Variants in NCOA2 observed in about 807,000 individuals in gnomAD.
The protein encoded by NCOA2 is nuclear receptor coactivator 2.
In NCOA2, 21 loss-of-function variants were observed where a neutral mutation model predicts 145.1. That is an observed-to-expected ratio of 0.14 (90% CI 0.10 to 0.21). The LOEUF (loss-of-function observed/expected upper bound fraction) is 0.21, where lower values mean the gene tolerates loss of function less well. NCOA2 is among the 10% of genes least tolerant of loss of function. NCOA2 has a pLI of 1.00. For missense variants in NCOA2, 1,472 were observed against 1,837.6 expected (o/e 0.80, Z 3.64); for synonymous variants, 619 against 637.5 (o/e 0.97, Z 0.44).
At chr8:70,412,623 G>C in the NCOA2 span, among the ~76,000 whole-genome samples, 2 of 142,082 alleles carry the variant, frequency 1.4e-5, no homozygotes, top group Admixed American at 7.0e-5. Context: ...ACTCCAGCCT[G>C]GGCAACAGAG....
chr8:70,344,442 C>T (rs1184215664), intron 1 of NCOA2, among the ~76,000 whole-genome samples: 3 of 152,216 alleles, frequency 2.0e-5, no homozygotes, highest in Non-Finnish European at 2.9e-5. Flanking sequence ...CATTTGCTAC[C>T]TCTGCCCACC....
At position 70,113,424 on chromosome 8, in the gene NCOA2, G is replaced by A; in HGVS notation, c.*208C>T. On this transcript the variant is annotated 3_prime_UTR_variant, in exon 23 of 23. Coordinates refer to ENST00000452400, the MANE Select transcript of NCOA2 (RefSeq NM_006540.4). Reference sequence around the variant, plus strand: ...GAACAGACTGAGCGACTGTCTGGATGCGAGCTTCAGACTGTCAAGAGAAGA... The same window carrying A: ...GAACAGACTGAGCGACTGTCTGGATACGAGCTTCAGACTGTCAAGAGAAGA... 1 of 602,038 alleles carries A rather than the reference G, an allele frequency of 1.7e-6. No individual in the cohort carries two copies. The highest frequency in any genetic ancestry group is 3.0e-6 in the Non-Finnish European group (1 of 337,056). The allele number at this position is 602,038 out of a possible 1,614,324, so 37.3% of individuals were successfully genotyped here.
intron 13 of NCOA2, among the ~76,000 whole-genome samples, chr8:70,142,074 C>A (rs1160126194): frequency 6.6e-6 from 1 of 152,176 alleles, no homozygotes; most frequent in African/African-American, 2.4e-5. Context: ...AGTTATCTGA[C>A]CACACATAAG....
chr8:70,156,873 C>T lies in NCOA2; in HGVS notation c.1492G>A (p.Gly498Ser), dbSNP rs1376445001. ...PRHRMSPGVA[G>S]SPRIPPSQFS... ...TGACTGGGTGGGATTCGAGGGCTGC[C>T]AGCCACTCCAGGGCTCATGCGATGC... The change falls in exon 11 of 23, where the codon GGC (glycine) becomes AGC (serine). Residue 498 changes from glycine to serine, a missense_variant. Physicochemically the swap from Gly to Ser is moderately conservative, Grantham distance 56. Transcript: ENST00000452400. The T allele has an allele frequency of 6.2e-7, 1 of 1,613,880 alleles. No individual in the cohort carries two copies. The highest frequency in any genetic ancestry group is 8.5e-7 in the Non-Finnish European group (1 of 1,179,900).
chr8:70,293,981 A>G (rs990211978), intron 2 of NCOA2, among the ~76,000 whole-genome samples: 1 of 152,170 alleles, frequency 6.6e-6, no homozygotes, highest in Non-Finnish European at 1.5e-5. Context: ...TATATAAATA[A>G]TAATATTTTC....
intron 2 of NCOA2, among the ~76,000 whole-genome samples, chr8:70,227,545 C>T (rs1245312807): frequency 1.3e-5 from 2 of 152,160 alleles, no homozygotes; most frequent in Admixed American, 6.5e-5. Flanking sequence ...GGGGGGACCT[C>T]TGAATCATTT....
chr8:70,447,823 T>C, the NCOA2 span, among the ~76,000 whole-genome samples: 1 of 151,894 alleles, frequency 6.6e-6, no homozygotes, highest in Admixed American at 6.6e-5. Flanking sequence ...TCGTTAGGAC[T>C]ACAGGAGCAT....
chr8:70,404,690 C>T (rs1814689222), upstream of NCOA2, among the ~76,000 whole-genome samples: 1 of 152,164 alleles, frequency 6.6e-6, no homozygotes, highest in Non-Finnish European at 1.5e-5. Context: ...TGAGAATTTT[C>T]GGCACATCAT....
chr8:70,159,230 A>AT lies in NCOA2; in HGVS notation c.1124+274dup, dbSNP rs1482749523. ...AATAATACAGTATAACATTATATAT[A>AT]TATATATATATATTTTTTTTTTTTT... On this transcript the variant is annotated intron_variant, in intron 10 of 22. Coordinates refer to ENST00000452400, the MANE Select transcript of NCOA2 (RefSeq NM_006540.4). Among the ~76,000 whole-genome samples the AT allele has an allele frequency of 4.5e-4, 33 of 73,180 alleles. 1 individual carries two copies. The highest frequency in any genetic ancestry group is 6.7e-4 in the Non-Finnish European group (27 of 40,082). The allele number at this position is 73,180 out of a possible 152,430, so 48.0% of individuals were successfully genotyped here.
At chr8:70,207,224 C>A (rs1818531475) in intron 4 of NCOA2, among the ~76,000 whole-genome samples, 1 of 152,162 alleles carries the variant, frequency 6.6e-6, no homozygotes, top group African/African-American at 2.4e-5. Context: ...GAATTAATTT[C>A]TTTTCATACA....
At chr8:70,311,561 A>T (rs912389865) in intron 1 of NCOA2, among the ~76,000 whole-genome samples, 1 of 152,250 alleles carries the variant, frequency 6.6e-6, no homozygotes, top group African/African-American at 2.4e-5. Context: ...TTAAAATAAC[A>T]ATACCAACAT....
the NCOA2 span, among the ~76,000 whole-genome samples, chr8:70,439,415 T>C: frequency 2.0e-5 from 3 of 152,268 alleles, no homozygotes; most frequent in South Asian, 6.2e-4. Flanking sequence ...ACCCTTGAGC[T>C]GAGTCTTCTA....
At chr8:70,180,130 T>C (rs1391470086) in intron 4 of NCOA2, among the ~76,000 whole-genome samples, 3 of 152,178 alleles carry the variant, frequency 2.0e-5, no homozygotes, top group African/African-American at 7.2e-5. Flanking sequence ...AAAGTAACAA[T>C]GAAAATACTA....
intron 2 of NCOA2, among the ~76,000 whole-genome samples, chr8:70,228,931 C>T (rs1266193768): frequency 2.0e-5 from 3 of 152,188 alleles, no homozygotes; most frequent in African/African-American, 4.8e-5. Context: ...CTCTCAGAGA[C>T]ACCACGACAC....
intron 2 of NCOA2, among the ~76,000 whole-genome samples, chr8:70,239,926 A>T (rs1821980804): frequency 6.6e-6 from 1 of 152,218 alleles, no homozygotes; most frequent in Admixed American, 6.5e-5. Context: ...AAGCAGACTG[A>T]GAGACCACCT....
chr8:70,311,389 A>G (rs187773795), intron 1 of NCOA2, among the ~76,000 whole-genome samples: 26 of 152,318 alleles, frequency 1.7e-4, no homozygotes, highest in African/African-American at 5.5e-4. Flanking sequence ...TCATAATTTC[A>G]GTTTTAGCAC....
chr8:70,267,024 A>G (rs1188345530), intron 2 of NCOA2, among the ~76,000 whole-genome samples: 1 of 152,250 alleles, frequency 6.6e-6, no homozygotes, highest in Non-Finnish European at 1.5e-5. Flanking sequence ...ACCCAAAATA[A>G]TCAATGCCTA....
chr8:70,328,576 T>C (rs1806799732), intron 1 of NCOA2, among the ~76,000 whole-genome samples: 2 of 152,254 alleles, frequency 1.3e-5, no homozygotes, highest in South Asian at 4.1e-4. Context: ...TTAATATCAG[T>C]GATTAAGCAG....
At chr8:70,238,360 T>A (rs1821836670) in intron 2 of NCOA2, among the ~76,000 whole-genome samples, 1 of 152,198 alleles carries the variant, frequency 6.6e-6, no homozygotes, top group Non-Finnish European at 1.5e-5. Flanking sequence ...CATGACATTA[T>A]TTGATTCTCA....
Sources: gnomAD v4.1 joint callset for allele counts (sites outside exome capture counted in the v4.1 genomes callset) on GRCh38, gnomAD v4.1.1 for gene constraint, MANE v1.5 for transcripts, NCBI Gene and HGNC (gene_info 2026-07-23, HGNC 2026-07-21) for gene names.